SERPINA6: variants seen among roughly 807,000 people sequenced by gnomAD.
SERPINA6 encodes serpin family A member 6, also known as corticosteroid-binding globulin.
Under a neutral mutation model 26.4 loss-of-function variants are expected in SERPINA6, and 19 were observed. The ratio of observed to expected loss-of-function variants is 0.72; its 90% CI spans 0.50 to 1.06. The LOEUF (loss-of-function observed/expected upper bound fraction) is 1.06, where lower values mean the gene tolerates loss of function less well. SERPINA6 is among the 50% of genes least tolerant of loss of function. SERPINA6 has a pLI of 0.00. For synonymous variants in SERPINA6, 196 were observed against 199.4 expected (o/e 0.98, Z 0.14); for missense variants, 473 against 504.0 (o/e 0.94, Z 0.59).
chr14:94,319,525 A>G (rs1285774342), intron 1 of SERPINA6, among the ~76,000 whole-genome samples: 1 of 152,258 alleles, frequency 6.6e-6, no homozygotes, highest in Non-Finnish European at 1.5e-5. Context: ...TCACAGCAGC[A>G]TTATTCACCA....
At chr14:94,319,547 T>C (rs1895655681) in intron 1 of SERPINA6, among the ~76,000 whole-genome samples, 1 of 152,052 alleles carries the variant, frequency 6.6e-6, no homozygotes, top group Non-Finnish European at 1.5e-5. Flanking sequence ...AGCCAAAAGA[T>C]GAAAACAACC....
rs546111230 is a variant in SERPINA6, at chr14:94,308,433, G to A, written c.884+1303C>T. On this transcript the variant is annotated intron_variant, in intron 3 of 4. Transcript: ENST00000341584. ...GTTTATGTGCATTGAATGAATGAGC[G>A]AATGAAATGCACATTGAATGAATGA... Among the ~76,000 whole-genome samples, 10 of 152,290 alleles carry A rather than the reference G, an allele frequency of 6.6e-5. No individual in the cohort carries two copies. In the South Asian group the frequency reaches 2.1e-3, roughly 32 times the overall value.
At chr14:94,316,516 T>C (rs954617939) in intron 1 of SERPINA6, among the ~76,000 whole-genome samples, 3 of 152,230 alleles carry the variant, frequency 2.0e-5, no homozygotes, top group African/African-American at 7.2e-5. Flanking sequence ...TTTTGCTCAA[T>C]TTATTTTGTC....
At chr14:94,311,764 C>A (rs527308356) in intron 2 of SERPINA6, among the ~76,000 whole-genome samples, 83 of 151,862 alleles carry the variant, frequency 5.5e-4, no homozygotes, top group Non-Finnish European at 1.0e-3. Context: ...GTGGTGAAAC[C>A]CTGTCTGTAC....
At chr14:94,317,927 A>T (rs569544038) in intron 1 of SERPINA6, among the ~76,000 whole-genome samples, 45 of 152,362 alleles carry the variant, frequency 3.0e-4, no homozygotes, top group African/African-American at 1.1e-3. Context: ...CACAGATGAC[A>T]TGATCTTATA....
chr14:94,310,094 T>A, intron 2 of SERPINA6, 88 bp from the exon 3 acceptor site: 1 of 1,362,824 alleles, frequency 7.3e-7, no homozygotes, highest in Non-Finnish European at 1.0e-6. Flanking sequence ...AGTGACACAG[T>A]GGCCTTCTGC....
At chr14:94,322,436 G>C (rs1258224138) in intron 1 of SERPINA6, among the ~76,000 whole-genome samples, 1 of 152,138 alleles carries the variant, frequency 6.6e-6, no homozygotes, top group Non-Finnish European at 1.5e-5. Context: ...CTTGAACCCA[G>C]GAGGCAGAGG....
chr14:94,307,614 C>G (rs1250056744), intron 3 of SERPINA6, among the ~76,000 whole-genome samples: 1 of 152,180 alleles, frequency 6.6e-6, no homozygotes, highest in East Asian at 1.9e-4. Flanking sequence ...TGGTATTACA[C>G]CTAAATTACA....
chr14:94,304,632 T>G lies in SERPINA6; in HGVS notation c.1033-29A>C, dbSNP rs753605044. On this transcript the variant is annotated intron_variant, in intron 4 of 4. Coordinates refer to ENST00000341584, the MANE Select transcript of SERPINA6 (RefSeq NM_001756.4). ...TTAGGTACAGAATGAAGATGGGTAG[T>G]GAGACCTGCTGTGCGTTCTCGCTTT... The G allele has an allele frequency of 3.7e-5, 59 of 1,584,994 alleles. 1 individual carries two copies. The South Asian group carries it at 6.1e-4, about 16-fold the overall frequency.
rs911856841 is a variant in SERPINA6, at chr14:94,322,244, C to T, written c.-20+1023G>A. Among the ~76,000 whole-genome samples, 31 of 152,184 alleles carry T rather than the reference C, an allele frequency of 2.0e-4. 1 individual carries two copies. The highest frequency in any genetic ancestry group is 7.2e-4 in the Admixed American group (11 of 15,286). On this transcript the variant is annotated intron_variant, in intron 1 of 4. Transcript: ENST00000341584. ...CCAGCCATGGTCAGGTGTGGTGGCT[C>T]ATGCCTGTAATCCCAGCACTTTTGG... is the stretch of plus-strand genomic sequence containing the variant.
chr14:94,317,800 G>A (rs944959934), intron 1 of SERPINA6, among the ~76,000 whole-genome samples: 3 of 152,158 alleles, frequency 2.0e-5, no homozygotes, highest in African/African-American at 7.2e-5. Context: ...AACAAAACAA[G>A]GATGCTTGTT....
Position 94,309,926 on chromosome 14 carries a change from G to T in SERPINA6, c.694C>A (p.Pro232Thr). 6.2e-7 allele frequency: 1 copy of T among 1,614,126 alleles called. No homozygotes were observed. Among genetic ancestry groups the T allele is most frequent in the Non-Finnish European group, 8.5e-7 (1 of 1,179,994 alleles). Residue 232 changes from proline to threonine, a missense_variant, in exon 3 of 5, where the codon CCC (proline) becomes ACC (threonine). Physicochemically the swap from Pro to Thr is conservative, Grantham distance 38. Coordinates refer to ENST00000341584, the MANE Select transcript of SERPINA6 (RefSeq NM_001756.4). Reference protein sequence around the residue: ...YVDETTVVKVPMMLQSSTISY... With the variant: ...YVDETTVVKVTMMLQSSTISY... ...ATGGTGCTCGACTGCAACATCATGG[G>T]CACCTTCACCACAGTTGTCTCGTCC...
chr14:94,309,141 C>A (rs2139717497), intron 3 of SERPINA6, among the ~76,000 whole-genome samples: 1 of 152,376 alleles, frequency 6.6e-6, no homozygotes, highest in South Asian at 2.1e-4. Context: ...CTCCTCCTGG[C>A]TACTGCCTCT....
chr14:94,312,212 T>C (rs1467715822), intron 2 of SERPINA6, among the ~76,000 whole-genome samples: 2 of 152,236 alleles, frequency 1.3e-5, no homozygotes, highest in East Asian at 3.9e-4. Flanking sequence ...TCTCTGATTT[T>C]GTAACCTAAA....
intron 1 of SERPINA6, among the ~76,000 whole-genome samples, chr14:94,318,892 A>G (rs1895647379): frequency 6.6e-6 from 1 of 152,226 alleles, no homozygotes; most frequent in Non-Finnish European, 1.5e-5. Flanking sequence ...ATGGGAAAAC[A>G]TTTGCAAATT....
At position 94,309,719 on chromosome 14, in the gene SERPINA6, A is replaced by T. The variant is rs755363805; in HGVS notation, c.884+17T>A. The T allele has an allele frequency of 1.9e-6, 3 of 1,613,562 alleles. No homozygotes were observed. The highest frequency in any genetic ancestry group is 4.5e-5 in the East Asian group (2 of 44,866). ...CACGTGCATTGCAGAAATCAACATG[A>T]TGGCTGGAGGACTTACCTGCTGGTC... On this transcript the variant is annotated intron_variant, in intron 3 of 4. Transcript: ENST00000341584.
intron 2 of SERPINA6, among the ~76,000 whole-genome samples, chr14:94,311,511 A>G (rs1895529467): frequency 6.6e-6 from 1 of 152,192 alleles, no homozygotes; most frequent in African/African-American, 2.4e-5. Flanking sequence ...TATTCTCAAA[A>G]AGTTCTAGGA....
intron 1 of SERPINA6, among the ~76,000 whole-genome samples, chr14:94,317,853 A>C (rs1895633088): frequency 6.6e-6 from 1 of 152,232 alleles, no homozygotes; most frequent in African/African-American, 2.4e-5. Flanking sequence ...TTCTAGCCAG[A>C]GCAATTGGGC....
chr14:94,314,045 A>C lies in SERPINA6; in HGVS notation c.604T>G (p.Phe202Val). The C allele has an allele frequency of 6.2e-7, 1 of 1,614,178 alleles. No homozygotes were observed. Among genetic ancestry groups the C allele is most frequent in the Non-Finnish European group, 8.5e-7 (1 of 1,180,032 alleles). ...PAILVLVNYI[F>V]FKGTWTQPFD... Reference sequence around the variant, plus strand: ...GGATGGGTGGGAATACCTTTGAAGAAGATATAGTTGACCAGGACGAGGATG... The same window carrying C: ...GGATGGGTGGGAATACCTTTGAAGACGATATAGTTGACCAGGACGAGGATG... Residue 202 changes from phenylalanine (F) to valine (V), a missense_variant, in exon 2 of 5, where the codon TTC (phenylalanine) becomes GTC (valine). Phe to Val is a conservative substitution (Grantham distance 50, BLOSUM62 -1). Transcript: ENST00000341584.
Sources: gnomAD v4.1 joint callset for allele counts (sites outside exome capture counted in the v4.1 genomes callset) on GRCh38, gnomAD v4.1.1 for gene constraint, MANE v1.5 for transcripts, NCBI Gene and HGNC (gene_info 2026-07-23, HGNC 2026-07-21) for gene names.